Variants in EPAS1 observed in about 807,000 individuals in gnomAD.
EPAS1 encodes endothelial PAS domain protein 1, also known as endothelial PAS domain-containing protein 1.
EPAS1 carries 23 observed loss-of-function variants against 87.9 expected under a neutral mutation model. The observed-to-expected ratio is 0.26, with a 90% confidence interval of 0.19 to 0.37. The LOEUF (loss-of-function observed/expected upper bound fraction) is 0.37. Among genes scored for constraint, EPAS1 ranks in the 10% least tolerant of loss-of-function variants. The pLI is 1.00. For synonymous variants in EPAS1, 508 were observed against 444.3 expected, an observed-to-expected ratio of 1.14 and a Z score of -1.80; for missense variants, 1,138 against 1,120.7, an observed-to-expected ratio of 1.02 and a Z score of -0.22.
chr2:46,361,364 T>G (rs956113694), intron 6 of EPAS1, among the ~76,000 whole-genome samples: 16 of 152,298 alleles, frequency 1.1e-4, no homozygotes, highest in African/African-American at 3.4e-4. Context: ...AACATATTTC[T>G]CCATACGTGT....
intron 1 of EPAS1, among the ~76,000 whole-genome samples, chr2:46,322,564 G>C (rs1683473966): frequency 6.6e-6 from 1 of 152,170 alleles, no homozygotes; most frequent in African/African-American, 2.4e-5. Context: ...CAAGTTCCTA[G>C]ATGATGATGA....
intron 1 of EPAS1, among the ~76,000 whole-genome samples, chr2:46,315,337 G>C (rs1683291592): frequency 6.6e-6 from 1 of 152,296 alleles, no homozygotes; most frequent in Non-Finnish European, 1.5e-5. Context: ...GTACAGAGGG[G>C]GCGGGGGTGC....
At chr2:46,352,979 G>A (rs927282427) in intron 2 of EPAS1, among the ~76,000 whole-genome samples, 5 of 152,238 alleles carry the variant, frequency 3.3e-5, no homozygotes, top group Admixed American at 1.3e-4. Context: ...GAAATTTTAA[G>A]CAGGACTATT....
intron 1 of EPAS1, among the ~76,000 whole-genome samples, chr2:46,328,071 A>G (rs371432808): frequency 2.5e-4 from 38 of 152,286 alleles, no homozygotes; most frequent in Admixed American, 1.1e-3. Context: ...TAACTATCCT[A>G]TGGTCCCCAG....
intron 6 of EPAS1, among the ~76,000 whole-genome samples, chr2:46,361,695 G>T (rs979874007): frequency 6.6e-6 from 1 of 152,224 alleles, no homozygotes; most frequent in African/African-American, 2.4e-5. Flanking sequence ...GATGGCTTAG[G>T]TTCAAATTTA....
At position 46,360,506 on chromosome 2, in the gene EPAS1, A is replaced by G; in HGVS notation, c.455-132A>G. The stretch of plus-strand genomic sequence containing the variant: ...TGGAGCTCAGTGTTGATGGCAGACC[A>G]CAGGTGCTAAGAGAGCAGATATTTG... On this transcript the variant is annotated intron_variant, in intron 4 of 15. Coordinates refer to ENST00000263734, the MANE Select transcript of EPAS1 (RefSeq NM_001430.5). The surrounding 1 kb of genome is among the most constrained non-coding windows in gnomAD (Gnocchi z 4.5). 9 of 804,234 alleles carry G rather than the reference A, an allele frequency of 1.1e-5. No individual in the cohort carries two copies. The highest frequency in any genetic ancestry group is 2.5e-5 in the East Asian group (1 of 39,492). The allele number at this position is 804,234 out of a possible 1,614,324, so 49.8% of individuals were successfully genotyped here. A position where few individuals can be genotyped will look rare whatever the true frequency, so the allele number is the denominator to read the frequency against.
Position 46,380,505 on chromosome 2 carries a change from C to T in EPAS1, c.1833C>T (p.Ala611=), listed in dbSNP as rs41281469. 21,978 of 1,614,164 alleles carry T rather than the reference C, an allele frequency of 0.014. 179 individuals are homozygous for T. Among genetic ancestry groups the T allele is most frequent in the Non-Finnish European group, 0.016 (18,717 of 1,180,028 alleles). ...HRPMSSIFFD[A]GSKASLPPCC... ...CCATGTCCTCCATCTTCTTTGATGC[C>T]GGAAGCAAAGCATCCCTGCCACCGT... The change falls in exon 12 of 16, where the codon GCC becomes GCT. Residue 611 remains alanine (A), a synonymous_variant. Coordinates refer to ENST00000263734, the MANE Select transcript of EPAS1 (RefSeq NM_001430.5). The surrounding 1 kb of genome is among the most constrained non-coding windows in gnomAD (Gnocchi z 4.4).
In EPAS1 at chr2:46,300,765, A is replaced by C. The variant is rs139754208; in HGVS notation, c.26+2828A>C. ...AAAGTCCAGTCCCAAAGCCAGACCTAGGTCCAGACACCTTCCCAGAGTGCT... is the reference window on the plus strand; with the variant it reads ...AAAGTCCAGTCCCAAAGCCAGACCTCGGTCCAGACACCTTCCCAGAGTGCT... On this transcript the variant is annotated intron_variant, in intron 1 of 15. Transcript: ENST00000263734. The surrounding 1 kb of genome is among the most constrained non-coding windows in gnomAD (Gnocchi z 4.1). Among the ~76,000 whole-genome samples the C allele has an allele frequency of 1.0e-3, 154 of 152,322 alleles. 1 individual carries two copies. Among genetic ancestry groups the C allele is most frequent in the African/African-American group, 3.3e-3 (139 of 41,568 alleles).
rs933014478 is a variant in EPAS1, at chr2:46,347,551, G to A, written c.217+488G>A. ...AGTCTCTCTGAACATTGGTTTCCTC[G>A]TGTATAAAATGGGGTTAAACATACT... On this transcript the variant is annotated intron_variant, in intron 2 of 15. Transcript: ENST00000263734. The surrounding 1 kb of genome is among the most constrained non-coding windows in gnomAD (Gnocchi z 4.2). 4.6e-5 allele frequency: 10 copies of A among 217,920 alleles called. No individual in the cohort carries two copies. The highest frequency in any genetic ancestry group is 9.1e-5 in the African/African-American group (4 of 43,986). 13.5% of individuals were successfully genotyped at this position (217,920 alleles called of 1,614,324 possible).
At chr2:46,353,078 A>C (rs1293166842) in intron 2 of EPAS1, among the ~76,000 whole-genome samples, 1 of 152,220 alleles carries the variant, frequency 6.6e-6, no homozygotes, top group Non-Finnish European at 1.5e-5. Context: ...AAAGAAATTG[A>C]AGAGAAAATA....
chr2:46,351,128 T>C (rs1684136757), intron 2 of EPAS1, among the ~76,000 whole-genome samples: 2 of 152,216 alleles, frequency 1.3e-5, no homozygotes, highest in African/African-American at 4.8e-5. Flanking sequence ...GGCCTTTTTC[T>C]GTCCTGTTTG....
intron 1 of EPAS1, among the ~76,000 whole-genome samples, chr2:46,327,200 G>A (rs1277957769): frequency 6.6e-6 from 1 of 152,160 alleles, no homozygotes; most frequent in African/African-American, 2.4e-5. Context: ...TGATTTCATG[G>A]TTGAATATGT....
intron 4 of EPAS1, among the ~76,000 whole-genome samples, chr2:46,359,698 TC>T (rs1390353349): frequency 6.6e-6 from 1 of 152,154 alleles, no homozygotes; most frequent in Non-Finnish European, 1.5e-5. Context: ...TGGTGACTGT[TC>T]CTGGAGGAAG....
intron 6 of EPAS1, among the ~76,000 whole-genome samples, chr2:46,365,967 C>T (rs1050922074): frequency 6.6e-6 from 1 of 152,244 alleles, no homozygotes; most frequent in Non-Finnish European, 1.5e-5. Context: ...GTACTTAAAA[C>T]TTTCATCCTC....
In EPAS1 at chr2:46,379,534, C is replaced by A. The variant is rs190880432; in HGVS notation, c.1555-693C>A. Among the ~76,000 whole-genome samples, 582 of 152,312 alleles carry A rather than the reference C, an allele frequency of 3.8e-3. 1 individual carries two copies. The highest frequency in any genetic ancestry group is 5.8e-3 in the Non-Finnish European group (394 of 68,034). ...TAATCACAGCTATCTGCTTCTGCTC[C>A]TTAAAGATTGCTTAGTATTGCAGTC... On this transcript the variant is annotated intron_variant, in intron 11 of 15. Coordinates refer to ENST00000263734, the MANE Select transcript of EPAS1 (RefSeq NM_001430.5).
intron 1 of EPAS1, among the ~76,000 whole-genome samples, chr2:46,315,507 G>A (rs751348975): frequency 6.6e-6 from 1 of 152,152 alleles, no homozygotes; most frequent in Non-Finnish European, 1.5e-5. Flanking sequence ...TGAGGTGGAC[G>A]GCTCCCTTTT....
chr2:46,366,606 T>C (rs1227578156), intron 6 of EPAS1, among the ~76,000 whole-genome samples: 1 of 152,228 alleles, frequency 6.6e-6, no homozygotes, highest in Non-Finnish European at 1.5e-5. Flanking sequence ...ATTAAGTCCT[T>C]GTACATTTCT....
intron 7 of EPAS1, among the ~76,000 whole-genome samples, chr2:46,373,092 T>C (rs753163343): frequency 6.6e-6 from 1 of 152,200 alleles, no homozygotes; most frequent in East Asian, 1.9e-4. Flanking sequence ...ACTATTGTCT[T>C]GTAAGCTGTG....
intron 7 of EPAS1, among the ~76,000 whole-genome samples, chr2:46,374,139 G>T (rs1684683509): frequency 6.6e-6 from 1 of 152,190 alleles, no homozygotes; most frequent in Non-Finnish European, 1.5e-5. Context: ...GTTAAATTGT[G>T]AAGAAGAAAG....
Sources: allele counts gnomAD v4.1 joint callset (sites outside exome capture counted in the v4.1 genomes callset), GRCh38; gene constraint gnomAD v4.1.1; non-coding constraint Gnocchi (gnomAD v3.1); transcripts MANE v1.5; gene names NCBI Gene and HGNC (gene_info 2026-07-23, HGNC 2026-07-21).